Variants in EYS observed in about 807,000 individuals in gnomAD.
EYS encodes protein eyes shut homolog.
Under a neutral mutation model 282.1 loss-of-function variants are expected in EYS, and 250 were observed. The ratio of observed to expected loss-of-function variants is 0.89; its 90% confidence interval spans 0.80 to 0.98. The LOEUF is 0.98. Among genes scored for constraint, EYS ranks in the 50% least tolerant of loss-of-function variants. EYS has a pLI of 0.00. For synonymous variants in EYS, 1,355 were observed against 1,282.9 expected, an observed-to-expected ratio of 1.06 and a Z score of -1.20; for missense variants, 4,016 against 3,709.0, an observed-to-expected ratio of 1.08 and a Z score of -2.15.
chr6:64,629,360 G>T (rs773656343), intron 22 of EYS, among the ~76,000 whole-genome samples: 4 of 152,038 alleles, frequency 2.6e-5, no homozygotes, highest in Non-Finnish European at 5.9e-5. Flanking sequence ...CTTTAAAGGA[G>T]AAGTGCCTAT....
intron 13 of EYS, among the ~76,000 whole-genome samples, chr6:65,051,621 A>C (rs1395389640): frequency 6.6e-6 from 1 of 151,562 alleles, no homozygotes; most frequent in Non-Finnish European, 1.5e-5. Flanking sequence ...TATAGTCATC[A>C]TGTTGTACAG....
intron 12 of EYS, among the ~76,000 whole-genome samples, chr6:65,102,843 T>C (rs1484062867): frequency 6.6e-6 from 1 of 151,380 alleles, no homozygotes; most frequent in Non-Finnish European, 1.5e-5. Flanking sequence ...ATTTCATTGG[T>C]CTTAATTGTT....
intron 2 of EYS, among the ~76,000 whole-genome samples, chr6:65,621,635 T>C (rs1340164005): frequency 6.6e-6 from 1 of 152,048 alleles, no homozygotes; most frequent in East Asian, 1.9e-4. Context: ...GTTAATGCAG[T>C]TTCTTCCTAG....
At chr6:63,968,165 TG>T (rs1766392692) in intron 35 of EYS, among the ~76,000 whole-genome samples, 1 of 152,232 alleles carries the variant, frequency 6.6e-6, no homozygotes, top group South Asian at 2.1e-4. Context: ...ATGTGCTCTT[TG>T]GGGCTATTTT....
At chr6:65,558,630 C>G (rs1006574683) in intron 2 of EYS, among the ~76,000 whole-genome samples, 1 of 152,198 alleles carries the variant, frequency 6.6e-6, no homozygotes, top group Non-Finnish European at 1.5e-5. Flanking sequence ...GATGGGCCAC[C>G]ACTGCCACCA....
intron 33 of EYS, among the ~76,000 whole-genome samples, chr6:64,021,873 C>A (rs1769209554): frequency 6.6e-6 from 1 of 152,134 alleles, no homozygotes; most frequent in East Asian, 1.9e-4. Flanking sequence ...TATACATATT[C>A]TTTGCATTGT....
intron 12 of EYS, among the ~76,000 whole-genome samples, chr6:65,087,375 G>A (rs62407186): frequency 0.19 from 29,131 of 151,986 alleles, 3,391 homozygotes; most frequent in South Asian, 0.27. Flanking sequence ...CAAATCCGAT[G>A]GGTATTTGAA....
intron 19 of EYS, among the ~76,000 whole-genome samples, chr6:64,842,629 G>C (rs1765596372): frequency 6.6e-6 from 1 of 152,094 alleles, no homozygotes; most frequent in Non-Finnish European, 1.5e-5. Context: ...GTCTCGGATG[G>C]AGATGAGGAA....
At chr6:64,666,732 T>A (rs1403013304) in intron 22 of EYS, among the ~76,000 whole-genome samples, 2 of 152,172 alleles carry the variant, frequency 1.3e-5, no homozygotes, top group African/African-American at 4.8e-5. Flanking sequence ...CTTAGTTATC[T>A]CCACATGGAT....
chr6:64,276,372 C>A (rs568713438), intron 30 of EYS, among the ~76,000 whole-genome samples: 9 of 152,162 alleles, frequency 5.9e-5, no homozygotes, highest in Non-Finnish European at 1.0e-4. Context: ...AATCTGTTTA[C>A]ATTTTCTTCA....
intron 22 of EYS, among the ~76,000 whole-genome samples, chr6:64,781,057 GACTC>G (rs1773842642): frequency 6.6e-6 from 1 of 152,030 alleles, no homozygotes; most frequent in African/African-American, 2.4e-5. Context: ...TGGTACTCAA[GACTC>G]AAGGTATTAG....
At chr6:65,192,664 A>G (rs1000125419) in intron 12 of EYS, among the ~76,000 whole-genome samples, 1 of 151,724 alleles carries the variant, frequency 6.6e-6, no homozygotes, top group Non-Finnish European at 1.5e-5. Flanking sequence ...GTTGAAATTA[A>G]TTGCCATTAT....
chr6:65,491,270 TAC>T (rs57650145), intron 4 of EYS: 9,734 of 169,522 alleles, frequency 0.057, 122 homozygotes, highest in South Asian at 0.1. Flanking sequence ...ATCAGTTATA[TAC>T]ACACACACAC....
chr6:64,994,669 A>G (rs1166074805), intron 14 of EYS, among the ~76,000 whole-genome samples: 4 of 152,130 alleles, frequency 2.6e-5, no homozygotes, highest in Admixed American at 6.5e-5. Flanking sequence ...ATGAGTTAGT[A>G]AAAGCAAGTA....
intron 41 of EYS, among the ~76,000 whole-genome samples, chr6:63,759,905 G>A (rs1362075840): frequency 6.6e-6 from 1 of 152,014 alleles, no homozygotes; most frequent in Non-Finnish European, 1.5e-5. Flanking sequence ...ATCTCCATTA[G>A]TAAGAATCAG....
intron 30 of EYS, among the ~76,000 whole-genome samples, chr6:64,296,819 C>A (rs1769046803): frequency 6.6e-6 from 1 of 151,894 alleles, no homozygotes; most frequent in African/African-American, 2.4e-5. Context: ...ATTGGCCAGA[C>A]TGGTATTGAA....
intron 7 of EYS, among the ~76,000 whole-genome samples, chr6:65,397,850 T>C (rs1232781546): frequency 6.6e-6 from 1 of 152,186 alleles, no homozygotes; most frequent in East Asian, 1.9e-4. Context: ...TCTATAGAGA[T>C]GTACTAATTT....
chr6:65,019,894 C>A (rs9453153), intron 13 of EYS, among the ~76,000 whole-genome samples: 3,566 of 133,212 alleles, frequency 0.027, 134 homozygotes, highest in African/African-American at 0.11. Flanking sequence ...TGTCCCTCTT[C>A]ACATGGCGGC....
chr6:64,876,366 C>T (rs2150057175), intron 19 of EYS, among the ~76,000 whole-genome samples: 1 of 152,116 alleles, frequency 6.6e-6, no homozygotes, highest in East Asian at 1.9e-4. Flanking sequence ...AGAGAAAACA[C>T]TTTATGAAAA....
Sources: gnomAD v4.1 joint callset for allele counts (sites outside exome capture counted in the v4.1 genomes callset) on GRCh38, gnomAD v4.1.1 for gene constraint, MANE v1.5 for transcripts, NCBI Gene and HGNC (gene_info 2026-07-23, HGNC 2026-07-21) for gene names.